Variants in CETP observed in about 807,000 individuals in gnomAD.
CETP encodes BPI fold containing family F.
Under a neutral mutation model 66.5 loss-of-function variants are expected in CETP, and 56 were observed. The observed-to-expected ratio is 0.84, with a 90% CI of 0.68 to 1.05. The LOEUF is 1.05. Among genes scored for constraint, CETP ranks in the 50% least tolerant of loss-of-function variants. The probability of loss-of-function intolerance (pLI) is 0.00; values close to 1 mark genes in which losing one functional copy is unlikely to be tolerated. For synonymous variants in CETP, 251 were observed against 245.7 expected (o/e 1.02, Z -0.20); for missense variants, 612 against 609.6 (o/e 1.00, Z -0.04).
chr16:56,982,420 C>T (rs904715419), intron 14 of CETP, among the ~76,000 whole-genome samples, 183 bp downstream of exon 14: 1 of 152,312 alleles, frequency 6.6e-6, no homozygotes, highest in Middle Eastern at 3.4e-3. Flanking sequence ...GCCAGATGCC[C>T]AGACCCCTGT....
At chr16:56,975,267 C>A in intron 10 of CETP, 116 bp downstream of exon 10, 1 of 877,700 alleles carries the variant, frequency 1.1e-6, no homozygotes, top group Non-Finnish European at 1.9e-6. Flanking sequence ...TAACAGCGAA[C>A]ACAGCTCCTA....
intron 14 of CETP, 47 bp from the exon 15 acceptor site, chr16:56,983,279 C>A: frequency 1.3e-6 from 2 of 1,561,754 alleles, no homozygotes; most frequent in Non-Finnish European, 1.8e-6. Flanking sequence ...CTCGGGCCGG[C>A]CTTGCTCCCC....
Position 56,983,588 on chromosome 16 carries a change from T to C in CETP, c.1408-4T>C. On this transcript the variant is annotated splice_region_variant and splice_polypyrimidine_tract_variant and intron_variant, in intron 15 of 15. Coordinates refer to ENST00000200676, the MANE Select transcript of CETP (RefSeq NM_000078.3). ...CCCCTCTCTCCTACTGCCCCTCCCT[T>C]CAGGGCTTCCTGCTGCTGCAGATGG... 2 of 1,614,142 alleles carry C rather than the reference T, an allele frequency of 1.2e-6. No homozygotes were observed. Among genetic ancestry groups the C allele is most frequent in the Non-Finnish European group, 1.7e-6 (2 of 1,180,008 alleles).
At position 56,981,632 on chromosome 16, in the gene CETP, GC is replaced by G; in HGVS notation, c.1215-14del. On this transcript the variant is annotated splice_polypyrimidine_tract_variant and intron_variant, in intron 12 of 15. Transcript: ENST00000200676. ...CCCAATGGAGGGTCAAATTATCATC[GC>G]TTTTTTATTTCAGGATTACACCAAA... 6.2e-7 allele frequency: 1 copy of G among 1,613,782 alleles called. No individual in the cohort carries two copies. Among genetic ancestry groups the G allele is most frequent in the Non-Finnish European group, 8.5e-7 (1 of 1,179,680 alleles).
Position 56,973,403 on chromosome 16 carries a change from T to C in CETP, c.823T>C (p.Ser275Pro), listed in dbSNP as rs1346956802. The change falls in exon 9 of 16, where the codon TCC becomes CCC. Residue 275 changes from serine to proline, a missense_variant. By Grantham distance (74) the Ser-to-Pro change is moderately conservative. Coordinates refer to ENST00000200676, the MANE Select transcript of CETP (RefSeq NM_000078.3). ...CTTCTCGCCCACACTGCTGGGGGAC[T>C]CCCGCATGCTGTACTTCTGGTTCTC... The part of the protein sequence containing the change: ...PTFSPTLLGD[S>P]RMLYFWFSER... The C allele has an allele frequency of 8.7e-6, 14 of 1,614,088 alleles. No individual in the cohort carries two copies. Among genetic ancestry groups the C allele is most frequent in the African/African-American group, 1.3e-5 (1 of 74,922 alleles).
chr16:56,962,104 A>G lies in CETP; in HGVS notation c.118+7A>G. 2 of 1,608,064 alleles carry G rather than the reference A, an allele frequency of 1.2e-6. No individual in the cohort carries two copies. The highest frequency in any genetic ancestry group is 2.2e-5 in the South Asian group (2 of 90,932). ...AAGCCTGCCCTCCTGGTGTGTAAGTATCAGTGCATCTGTCTGCCCTGCCAG... is the reference window on the plus strand; with the variant it reads ...AAGCCTGCCCTCCTGGTGTGTAAGTGTCAGTGCATCTGTCTGCCCTGCCAG... On this transcript the variant is annotated splice_region_variant and intron_variant, in intron 1 of 15. Transcript: ENST00000200676.
At chr16:56,971,234 C>G in intron 6 of CETP, 87 bp from the exon 7 acceptor site, 1 of 1,538,266 alleles carries the variant, frequency 6.5e-7, no homozygotes, top group South Asian at 1.1e-5. Context: ...TGCCGGTCCC[C>G]AGCACTGCCA....
chr16:56,973,556 G>A lies in CETP; in HGVS notation c.930+46G>A, dbSNP rs773875617. ...TGCTAGGGGATCCAGATGGCATGTG[G>A]TATGTGTGTGTGTGCACACGCATGG... On this transcript the variant is annotated intron_variant, in intron 9 of 15. Transcript: ENST00000200676. The A allele has an allele frequency of 2.9e-5, 47 of 1,606,724 alleles. No homozygotes were observed. The South Asian group carries it at 4.4e-4, about 15-fold the overall frequency.
At position 56,969,331 on chromosome 16, in the gene CETP, C is replaced by T. The variant is rs181985392; in HGVS notation, c.234-55C>T. 3.2e-4 allele frequency: 515 copies of T among 1,611,886 alleles called. No homozygotes were observed. In the African/African-American group the frequency reaches 6.0e-3, roughly 19 times the overall value. On this transcript the variant is annotated intron_variant, in intron 2 of 15. Coordinates refer to ENST00000200676, the MANE Select transcript of CETP (RefSeq NM_000078.3). ...GCCTAGACAAAATTGGAGGCTCACT[C>T]CTTGGGCTCCCTGGATGACCCCCAA...
chr16:56,961,970 C>A lies in CETP; in HGVS notation c.-10C>A. The A allele has an allele frequency of 6.2e-7, 1 of 1,611,108 alleles. No homozygotes were observed. The highest frequency in any genetic ancestry group is 8.5e-7 in the Non-Finnish European group (1 of 1,177,380). The stretch of plus-strand genomic sequence containing the variant: ...GGCTCGGGCCACTTACACACCACTG[C>A]CTGATAACCATGCTGGCTGCCACAG... On this transcript the variant is annotated 5_prime_UTR_variant, in exon 1 of 16. Transcript: ENST00000200676.
At chr16:56,968,347 G>C (rs904227491) in intron 2 of CETP, among the ~76,000 whole-genome samples, 3 of 151,980 alleles carry the variant, frequency 2.0e-5, no homozygotes, top group African/African-American at 7.3e-5. Flanking sequence ...CATCATGCCC[G>C]GTTAATTTTT....
At chr16:56,973,258 C>T in intron 8 of CETP, 73 bp from the exon 9 acceptor site, 1 of 1,513,910 alleles carries the variant, frequency 6.6e-7, no homozygotes, top group Non-Finnish European at 9.1e-7. Flanking sequence ...GGGGCTCCTC[C>T]CAATCTCCCT....
intron 5 of CETP, among the ~76,000 whole-genome samples, chr16:56,970,592 A>G (rs1289926746): frequency 6.6e-6 from 1 of 152,230 alleles, no homozygotes; most frequent in Non-Finnish European, 1.5e-5. Context: ...CCCTCTGTCA[A>G]GGAGCTGTGG....
intron 2 of CETP, among the ~76,000 whole-genome samples, chr16:56,967,160 CA>C (rs2056073231): frequency 7.2e-6 from 1 of 138,188 alleles, no homozygotes; most frequent in African/African-American, 2.7e-5. Flanking sequence ...CCAGCCTGGC[CA>C]ACATGGTGAA....
intron 2 of CETP, among the ~76,000 whole-genome samples, chr16:56,964,640 A>G (rs936200234): frequency 4.6e-5 from 7 of 152,156 alleles, no homozygotes; most frequent in African/African-American, 1.2e-4. Context: ...CACGCTCCCC[A>G]GGGGTGGTCT....
Position 56,961,994 on chromosome 16 carries a change from A to T in CETP, c.15A>T (p.Thr5=), listed in dbSNP as rs1418803684. The change falls in exon 1 of 16, where the codon ACA becomes ACT. Residue 5 remains threonine, a synonymous_variant. Coordinates refer to ENST00000200676, the MANE Select transcript of CETP (RefSeq NM_000078.3). Reference sequence around the variant, plus strand: ...GCCTGATAACCATGCTGGCTGCCACAGTCCTGACCCTGGCCCTGCTGGGCA... The same window carrying T: ...GCCTGATAACCATGCTGGCTGCCACTGTCCTGACCCTGGCCCTGCTGGGCA... The part of the protein sequence containing the change: MLAA[T]VLTLALLGNA... 3 of 1,613,930 alleles carry T rather than the reference A, an allele frequency of 1.9e-6. No individual in the cohort carries two copies. The highest frequency in any genetic ancestry group is 2.5e-6 in the Non-Finnish European group (3 of 1,179,980).
intron 10 of CETP, 92 bp downstream of exon 10, chr16:56,975,243 A>G: frequency 9.4e-7 from 1 of 1,059,166 alleles, no homozygotes; most frequent in South Asian, 1.3e-5. Flanking sequence ...TAACACCACC[A>G]ATGGCAACAA....
intron 5 of CETP, 99 bp from the exon 6 acceptor site, chr16:56,970,934 C>T (rs1408406777): frequency 1.8e-6 from 2 of 1,109,880 alleles, no homozygotes; most frequent in Non-Finnish European, 2.8e-6. Context: ...CTACAAGAGT[C>T]AGGGCCAACA....
chr16:56,964,172 G>T (rs2056048294), intron 2 of CETP, among the ~76,000 whole-genome samples: 1 of 151,712 alleles, frequency 6.6e-6, no homozygotes, highest in African/African-American at 2.4e-5. Flanking sequence ...GATTACAGGT[G>T]CCCACCACCA....
Sources: allele counts gnomAD v4.1 joint callset (sites outside exome capture counted in the v4.1 genomes callset), GRCh38; gene constraint gnomAD v4.1.1; transcripts MANE v1.5; gene names NCBI Gene and HGNC (gene_info 2026-07-23, HGNC 2026-07-21).